The following CSMD3 variants were observed in gnomAD, a reference collection of about 807,000 sequenced individuals.
CSMD3 encodes the protein CUB and sushi domain-containing protein 3.
A neutral mutation model predicts 435.2 loss-of-function variants in CSMD3; 177 were observed. That is an observed-to-expected ratio of 0.41 (90% CI 0.36 to 0.46). The LOEUF (loss-of-function observed/expected upper bound fraction) is 0.46, where lower values mean the gene tolerates loss of function less well. Ranked by LOEUF, CSMD3 falls within the 20% of genes least tolerant of loss-of-function variation. CSMD3 has a pLI of 0.34. For missense variants in CSMD3, 4,265 were observed against 4,504.6 expected (o/e 0.95, Z 1.52); for synonymous variants, 1,656 against 1,520.5 (o/e 1.09, Z -2.07).
At chr8:112,940,136 T>C (rs2083406718) in intron 9 of CSMD3, among the ~76,000 whole-genome samples, 1 of 151,938 alleles carries the variant, frequency 6.6e-6, no homozygotes, top group African/African-American at 2.4e-5. Flanking sequence ...AAAAGTATGG[T>C]TGATTTACAT....
At chr8:113,103,068 T>A (rs534167990) in intron 4 of CSMD3, among the ~76,000 whole-genome samples, 11 of 152,172 alleles carry the variant, frequency 7.2e-5, no homozygotes, top group Non-Finnish European at 1.5e-4. Context: ...TTTTATCTCA[T>A]TATCTTCAAA....
At chr8:112,351,010 T>C (rs1470368923) in intron 40 of CSMD3, among the ~76,000 whole-genome samples, 165 bp downstream of exon 40, 1 of 152,030 alleles carries the variant, frequency 6.6e-6, no homozygotes, top group Non-Finnish European at 1.5e-5. Flanking sequence ...AATATTTTCC[T>C]CAAAAAGTCA....
chr8:113,348,278 C>T (rs1176658978), intron 1 of CSMD3, among the ~76,000 whole-genome samples: 4 of 152,104 alleles, frequency 2.6e-5, no homozygotes, highest in Non-Finnish European at 4.4e-5. Flanking sequence ...TATCACAGCA[C>T]TGTGAGGTAC....
intron 13 of CSMD3, among the ~76,000 whole-genome samples, chr8:112,762,764 T>G (rs552664316): frequency 6.6e-6 from 1 of 151,934 alleles, no homozygotes; most frequent in East Asian, 1.9e-4. Flanking sequence ...ATAATAGGGA[T>G]AGAGAGACCA....
intron 32 of CSMD3, among the ~76,000 whole-genome samples, chr8:112,427,367 A>G (rs916054386): frequency 6.6e-6 from 1 of 152,092 alleles, no homozygotes. Context: ...GGTTACCTCC[A>G]TGCTGTTCTC....
intron 3 of CSMD3, among the ~76,000 whole-genome samples, chr8:113,243,530 T>G (rs1456691731): frequency 6.6e-6 from 1 of 152,062 alleles, no homozygotes; most frequent in African/African-American, 2.4e-5. Context: ...TTCATCTTGT[T>G]TCCACATTTT....
Position 112,636,932 on chromosome 8 carries a change from A to T in CSMD3, c.3600T>A (p.Ile1200=), listed in dbSNP as rs770435692. 6.2e-7 allele frequency: 1 copy of T among 1,613,660 alleles called. No individual in the cohort carries two copies. Among genetic ancestry groups the T allele is most frequent in the East Asian group, 2.2e-5 (1 of 44,840 alleles). ...AGCATGAGAAGGTCAGAGTGTCACC[A>T]ATCCCAAAGTTGAACCCGATTCGAC... ...YGSRIGFNFG[I]GDTLTFSCSS... is the part of the protein sequence containing the mutation. The change falls in exon 22 of 71, where the codon ATT becomes ATA. Residue 1200 remains isoleucine (I), a synonymous_variant. Transcript: ENST00000297405.
chr8:113,288,616 T>G (rs901039415), intron 2 of CSMD3, among the ~76,000 whole-genome samples: 3 of 151,996 alleles, frequency 2.0e-5, no homozygotes, highest in African/African-American at 4.8e-5. Context: ...AGGAAAATTA[T>G]GTAGAGCAAT....
chr8:112,370,023 G>GGAAGAGGAAGAAGAAGAA (rs1554658405), intron 38 of CSMD3, among the ~76,000 whole-genome samples: 54 of 66,588 alleles, frequency 8.1e-4, no homozygotes, highest in African/African-American at 3.2e-3. Context: ...AAGAAGAAGA[G>GGAAGAGGAAGAAGAAGAA]GAAGAAGAAG....
At chr8:112,915,371 A>T (rs1308107101) in intron 10 of CSMD3, among the ~76,000 whole-genome samples, 1 of 151,702 alleles carries the variant, frequency 6.6e-6, no homozygotes, top group Admixed American at 6.6e-5. Flanking sequence ...TCAAATTTTT[A>T]GGCTTTTAAA....
intron 38 of CSMD3, among the ~76,000 whole-genome samples, chr8:112,356,378 C>T (rs903658033): frequency 6.6e-6 from 1 of 152,016 alleles, no homozygotes; most frequent in African/African-American, 2.4e-5. Context: ...CAGCTGGAGG[C>T]CATTATCTGA....
intron 5 of CSMD3, among the ~76,000 whole-genome samples, chr8:113,082,414 T>A (rs904658105): frequency 5.9e-5 from 9 of 152,258 alleles, no homozygotes; most frequent in Admixed American, 3.9e-4. Context: ...ACAAAGATTA[T>A]ACAACTGTGC....
intron 59 of CSMD3, 26 bp downstream of exon 59, chr8:112,281,148 T>A: frequency 6.5e-7 from 1 of 1,549,464 alleles, no homozygotes; most frequent in Non-Finnish European, 8.9e-7. Flanking sequence ...TAATTACTGA[T>A]TTTTAAATAT....
chr8:113,431,499 T>C (rs1391485387), intron 1 of CSMD3, among the ~76,000 whole-genome samples: 1 of 152,240 alleles, frequency 6.6e-6, no homozygotes, highest in Non-Finnish European at 1.5e-5. Context: ...CTAAAGGTAC[T>C]GGTGCCTTAC....
chr8:112,708,196 G>A (rs1203006314), intron 13 of CSMD3, among the ~76,000 whole-genome samples: 1 of 151,950 alleles, frequency 6.6e-6, no homozygotes, highest in Non-Finnish European at 1.5e-5. Flanking sequence ...CCTAATGAAT[G>A]AAAAGGACTT....
At chr8:112,624,574 G>T (rs1834334241) in intron 22 of CSMD3, among the ~76,000 whole-genome samples, 1 of 151,972 alleles carries the variant, frequency 6.6e-6, no homozygotes, top group South Asian at 2.1e-4. Context: ...TCATCTCTCT[G>T]ATCACTGCTT....
At chr8:112,498,124 G>A (rs967514712) in intron 30 of CSMD3, among the ~76,000 whole-genome samples, 5 of 151,958 alleles carry the variant, frequency 3.3e-5, no homozygotes, top group African/African-American at 1.2e-4. Context: ...AATAACTTAT[G>A]TAGTCTTGTG....
At chr8:113,297,497 T>G (rs1186955019) in intron 2 of CSMD3, among the ~76,000 whole-genome samples, 1 of 149,892 alleles carries the variant, frequency 6.7e-6, no homozygotes, top group African/African-American at 2.5e-5. Context: ...AATAAATTAC[T>G]CCAATTAATC....
intron 32 of CSMD3, among the ~76,000 whole-genome samples, chr8:112,464,602 C>T (rs753999991): frequency 7.2e-5 from 11 of 151,758 alleles, no homozygotes; most frequent in Non-Finnish European, 1.6e-4. Flanking sequence ...TGAAGAAATA[C>T]AAAATTAAAA....
Sources: allele counts gnomAD v4.1 joint callset (sites outside exome capture counted in the v4.1 genomes callset), GRCh38; gene constraint gnomAD v4.1.1; transcripts MANE v1.5; gene names NCBI Gene and HGNC (gene_info 2026-07-23, HGNC 2026-07-21).